The following AGBL1 variants were observed in gnomAD, a reference collection of about 807,000 sequenced individuals.
AGBL1 encodes AGBL carboxypeptidase 1.
AGBL1 carries 130 observed loss-of-function variants against 118.9 expected under a neutral mutation model. The ratio of observed to expected loss-of-function variants is 1.09; its 90% CI spans 0.95 to 1.26. The LOEUF (loss-of-function observed/expected upper bound fraction) is 1.26. Among genes scored for constraint, AGBL1 ranks in the 50% most tolerant of loss-of-function variants. The probability of loss-of-function intolerance (pLI) is 0.00; values close to 1 mark genes in which losing one functional copy is unlikely to be tolerated. For synonymous variants in AGBL1, 555 were observed against 478.9 expected, an observed-to-expected ratio of 1.16 and a Z score of -2.08; for missense variants, 1,584 against 1,298.1, an observed-to-expected ratio of 1.22 and a Z score of -3.38.
intron 22 of AGBL1, among the ~76,000 whole-genome samples, chr15:86,791,239 G>A (rs1486591099): frequency 6.6e-6 from 1 of 152,130 alleles, no homozygotes. Context: ...TCCCAATAAG[G>A]CTTAGGCTAA....
At chr15:86,104,470 G>T (rs1221954443) in intron 1 of AGBL1, among the ~76,000 whole-genome samples, 1 of 152,224 alleles carries the variant, frequency 6.6e-6, no homozygotes. Context: ...CTGCTGCTGA[G>T]GTGGCAGGGT....
rs17608065 is a variant in AGBL1 at position 86,395,036 on chromosome 15, A to G, written c.2375-2330A>G. On this transcript the variant is annotated intron_variant, in intron 17 of 22. Transcript: ENST00000614907. ...GTTTGTGCCATGTATGTAATATCAT[A>G]AGCACTTGCACTTTTATTGGTAACT... Among the ~76,000 whole-genome samples the G allele has an allele frequency of 4.7e-3, 709 of 152,270 alleles. 4 individuals carry two copies. The highest frequency in any genetic ancestry group is 7.1e-3 in the Non-Finnish European group (484 of 67,998).
At position 86,523,164 on chromosome 15, in the gene AGBL1, G is replaced by T. The variant is rs551159017; in HGVS notation, c.2685+225G>T. 2.0e-5 allele frequency among the ~76,000 whole-genome samples: 3 copies of T among 152,338 alleles called. No individual in the cohort carries two copies. In the East Asian group the frequency reaches 5.8e-4, roughly 29 times the overall value. On this transcript the variant is annotated intron_variant, in intron 19 of 22. Coordinates refer to ENST00000614907, the MANE Select transcript of AGBL1 (RefSeq NM_001386094.1). ...AGAAACTTATCTCACATTTCTGGAGGTGTGAGTCTGGAATCAGGGTGTTGG... is the reference window on the plus strand; with the variant it reads ...AGAAACTTATCTCACATTTCTGGAGTTGTGAGTCTGGAATCAGGGTGTTGG...
intron 24 of AGBL1, among the ~76,000 whole-genome samples, chr15:87,009,950 GA>G (rs1347271610): frequency 6.6e-6 from 1 of 152,188 alleles, no homozygotes; most frequent in Non-Finnish European, 1.5e-5. Flanking sequence ...CTCATATGCA[GA>G]AGGGACTTGC....
chr15:86,743,767 G>A (rs1015237766), intron 22 of AGBL1, among the ~76,000 whole-genome samples: 1 of 151,994 alleles, frequency 6.6e-6, no homozygotes, highest in Non-Finnish European at 1.5e-5. Flanking sequence ...TAGCAATATT[G>A]GAAAGGTTAT....
chr15:86,539,144 G>T lies in AGBL1; in HGVS notation c.2686-6858G>T, dbSNP rs548030934. Among the ~76,000 whole-genome samples the T allele has an allele frequency of 4.6e-5, 7 of 152,244 alleles. No individual in the cohort carries two copies. The South Asian group carries it at 1.5e-3, about 32-fold the overall frequency. On this transcript the variant is annotated intron_variant, in intron 19 of 22. Transcript: ENST00000614907. The stretch of plus-strand genomic sequence containing the variant: ...AGAGAGGGGAATTGGTTTAGTCAAA[G>T]GCCCAAAGTTCAAAACTAAACACTC...
intron 17 of AGBL1, among the ~76,000 whole-genome samples, chr15:86,382,164 G>T (rs970239738): frequency 6.8e-6 from 1 of 146,838 alleles, no homozygotes; most frequent in East Asian, 2.4e-4. Flanking sequence ...GGGGGGCAGG[G>T]GAGTGGGGGA....
intron 20 of AGBL1, 59 bp downstream of exon 20, chr15:86,546,192 T>G (rs1483647239): frequency 2.7e-6 from 4 of 1,500,344 alleles, no homozygotes; most frequent in Non-Finnish European, 3.6e-6. Flanking sequence ...CATTCTTACC[T>G]TTAAGACCAT....
Position 86,822,872 on chromosome 15 carries a change from A to T in AGBL1, c.3159-84215A>T, listed in dbSNP as rs149571339. ...TTTACAGTAAGTATAATAACATCAGAGTTGTTTTGACCTAAGGGCAGGATT... is the reference window on the plus strand; with the variant it reads ...TTTACAGTAAGTATAATAACATCAGTGTTGTTTTGACCTAAGGGCAGGATT... On this transcript the variant is annotated intron_variant, in intron 22 of 22. Coordinates refer to ENST00000614907, the MANE Select transcript of AGBL1 (RefSeq NM_001386094.1). 2.3e-3 allele frequency among the ~76,000 whole-genome samples: 348 copies of T among 152,204 alleles called. 2 individuals are homozygous for T. The highest frequency in any genetic ancestry group is 3.1e-3 in the Non-Finnish European group (214 of 68,002).
chr15:86,902,024 C>G (rs1192597034), intron 22 of AGBL1, among the ~76,000 whole-genome samples: 1 of 152,060 alleles, frequency 6.6e-6, no homozygotes, highest in Non-Finnish European at 1.5e-5. Context: ...TATTTTTGGA[C>G]ATTTTGATGT....
chr15:86,526,191 C>T (rs191907594), intron 19 of AGBL1, among the ~76,000 whole-genome samples: 19 of 151,890 alleles, frequency 1.3e-4, no homozygotes, highest in Middle Eastern at 3.4e-3. Context: ...TAAGAATGGC[C>T]GTTTTTAAAA....
intron 18 of AGBL1, among the ~76,000 whole-genome samples, chr15:86,520,579 G>A (rs867397065): frequency 9.8e-5 from 15 of 152,320 alleles, no homozygotes; most frequent in Admixed American, 5.9e-4. Flanking sequence ...TGGTTTCCAT[G>A]GAGCATAGGG....
At chr15:86,081,901 T>C (rs984031715) in intron 1 of AGBL1, among the ~76,000 whole-genome samples, 7 of 152,208 alleles carry the variant, frequency 4.6e-5, no homozygotes, top group South Asian at 4.1e-4. Flanking sequence ...CCAGTGAGAA[T>C]TGATAATTGA....
rs12900069 is a variant in AGBL1, at chr15:86,367,756, C to G, written c.2375-29610C>G. 8.6e-3 allele frequency among the ~76,000 whole-genome samples: 1,306 copies of G among 152,198 alleles called. 9 individuals carry two copies. The highest frequency in any genetic ancestry group is 0.012 in the Non-Finnish European group (828 of 68,010). ...GAGGCTTTTAGGATACTTTCCTTGT[C>G]GTCCAAACAGATGACGTTGGTAGAT... is the stretch of plus-strand genomic sequence containing the variant. On this transcript the variant is annotated intron_variant, in intron 17 of 22. Coordinates refer to ENST00000614907, the MANE Select transcript of AGBL1 (RefSeq NM_001386094.1).
chr15:86,139,752 T>A (rs1306074033), intron 1 of AGBL1: 2 of 146,974 alleles, frequency 1.4e-5, no homozygotes, highest in African/African-American at 2.6e-5. Flanking sequence ...ATTGAAAAAA[T>A]ACATTAATTG....
rs1431336412 is a variant in AGBL1, at chr15:86,141,997, A to G, written c.52-7A>G. 5 of 1,549,506 alleles carry G rather than the reference A, an allele frequency of 3.2e-6. No individual in the cohort carries two copies. The highest frequency in any genetic ancestry group is 1.4e-5 in the African/African-American group (1 of 73,144). On this transcript the variant is annotated splice_region_variant and splice_polypyrimidine_tract_variant and intron_variant, in intron 1 of 22. Coordinates refer to ENST00000614907, the MANE Select transcript of AGBL1 (RefSeq NM_001386094.1). ...CTTAAATATGGCTGCCTGTGTTCTC[A>G]TTGCAGAGCTCCTCTGACAAGGAGT...
At chr15:86,764,589 T>C (rs1363351085) in intron 22 of AGBL1, among the ~76,000 whole-genome samples, 1 of 152,076 alleles carries the variant, frequency 6.6e-6, no homozygotes, top group African/African-American at 2.4e-5. Flanking sequence ...TAAAGTTATT[T>C]GTAGGGTAAA....
intron 21 of AGBL1, among the ~76,000 whole-genome samples, chr15:86,658,628 C>G (rs1475589465): frequency 6.6e-6 from 1 of 152,184 alleles, no homozygotes; most frequent in Non-Finnish European, 1.5e-5. Flanking sequence ...CATTTGTAGA[C>G]TGACTCTTAC....
chr15:86,834,145 A>C (rs1345197071), intron 22 of AGBL1, among the ~76,000 whole-genome samples: 6 of 152,142 alleles, frequency 3.9e-5, no homozygotes, highest in Non-Finnish European at 1.5e-5. Context: ...GGGATACCAG[A>C]GGATTCAATG....
Sources: allele counts gnomAD v4.1 joint callset (sites outside exome capture counted in the v4.1 genomes callset), GRCh38; gene constraint gnomAD v4.1.1; transcripts MANE v1.5; gene names NCBI Gene and HGNC (gene_info 2026-07-23, HGNC 2026-07-21).